The following CRTC1 variants were observed in gnomAD, a reference collection of about 807,000 sequenced individuals.
CRTC1 encodes the protein CREB regulated transcription coactivator 1.
In CRTC1, 18 loss-of-function variants were observed where a neutral mutation model predicts 66.1. The observed-to-expected ratio is 0.27, with a 90% CI of 0.19 to 0.40. CRTC1 has a LOEUF of 0.40. Ranked by LOEUF, CRTC1 falls within the 10% of genes least tolerant of loss-of-function variation. CRTC1 has a pLI of 1.00. For synonymous variants in CRTC1, 416 were observed against 398.8 expected, an observed-to-expected ratio of 1.04 and a Z score of -0.51; for missense variants, 669 against 887.9, an observed-to-expected ratio of 0.75 and a Z score of 3.13.
chr19:18,745,401 C>G (rs1311545851), intron 2 of CRTC1, among the ~76,000 whole-genome samples: 1 of 152,188 alleles, frequency 6.6e-6, no homozygotes, highest in Non-Finnish European at 1.5e-5. Context: ...GCAGGCCCCT[C>G]CAGGGATGAC....
rs781501165 is a variant in CRTC1, at chr19:18,765,495, G to A, written c.978G>A (p.Ser326=). The A allele has an allele frequency of 5.0e-6, 8 of 1,609,518 alleles. No homozygotes were observed. The highest frequency in any genetic ancestry group is 1.3e-5 in the African/African-American group (1 of 74,924). The change falls in exon 9 of 14, where the codon TCG becomes TCA. Residue 326 remains serine, a synonymous_variant. Transcript: ENST00000321949. ...LSTEARRQQA[S]PTLSPLSPIT... is the part of the protein sequence containing the mutation. Reference sequence around the variant, plus strand: ...CAGAGGCAAGGCGTCAGCAGGCATCGCCCACCCTGTCCCCGCTGTCACCCA... The same window carrying A: ...CAGAGGCAAGGCGTCAGCAGGCATCACCCACCCTGTCCCCGCTGTCACCCA...
rs149635797 is a variant in CRTC1 at position 18,750,198 on chromosome 19, G to A, written c.538+323G>A. Among the ~76,000 whole-genome samples the A allele has an allele frequency of 6.7e-4, 102 of 152,340 alleles. 1 individual carries two copies. The East Asian group carries it at 0.014, about 22-fold the overall frequency. ...TCAAATGTAGCGGCAGCAAGCCCAC[G>A]CAAAGGAGCATTTGTCAGCTCATGA... On this transcript the variant is annotated intron_variant, in intron 5 of 13. Coordinates refer to ENST00000321949, the MANE Select transcript of CRTC1 (RefSeq NM_015321.3).
chr19:18,737,066 G>A (rs1485583238), intron 1 of CRTC1, among the ~76,000 whole-genome samples: 1 of 152,154 alleles, frequency 6.6e-6, no homozygotes, highest in Admixed American at 6.5e-5. Context: ...CTACCTAGGG[G>A]CTCCTGCTCC....
Position 18,760,262 on chromosome 19 carries a change from A to G in CRTC1, c.886+34A>G, listed in dbSNP as rs1472505132. The G allele has an allele frequency of 4.0e-6, 6 of 1,512,226 alleles. No homozygotes were observed. Among genetic ancestry groups the G allele is most frequent in the South Asian group, 1.2e-5 (1 of 85,258 alleles). 93.7% of individuals were successfully genotyped at this position (1,512,226 alleles called of 1,614,324 possible). On this transcript the variant is annotated intron_variant, in intron 8 of 13. Transcript: ENST00000321949. The surrounding 1 kb of genome is among the most constrained non-coding windows in gnomAD (Gnocchi z 6.2). Reference sequence around the variant, plus strand: ...GGGACACTCCGCCCTCGGACAGAGCACTGGCTTGTGGAGACAACACGGGCA... The same window carrying G: ...GGGACACTCCGCCCTCGGACAGAGCGCTGGCTTGTGGAGACAACACGGGCA...
chr19:18,725,115 G>A (rs974961649), intron 1 of CRTC1, among the ~76,000 whole-genome samples: 10 of 152,106 alleles, frequency 6.6e-5, no homozygotes, highest in African/African-American at 2.4e-4. Flanking sequence ...ACCTTGGGGA[G>A]CTCAGTATCT....
intron 6 of CRTC1, among the ~76,000 whole-genome samples, chr19:18,757,367 A>G (rs538126522): frequency 2.0e-5 from 3 of 152,178 alleles, no homozygotes; most frequent in African/African-American, 7.2e-5. Flanking sequence ...AGGGGAGGAA[A>G]CATTGGTCCT....
At chr19:18,743,854 A>C (rs1412940657) in intron 2 of CRTC1, among the ~76,000 whole-genome samples, 7 of 152,168 alleles carry the variant, frequency 4.6e-5, no homozygotes, top group Non-Finnish European at 1.5e-5. Flanking sequence ...GTTCTTTGTC[A>C]CAGCCCTTCC....
At chr19:18,749,651 A>G (rs2054319714) in intron 4 of CRTC1, 130 bp from the exon 5 acceptor site, 2 of 718,132 alleles carry the variant, frequency 2.8e-6, no homozygotes, top group Admixed American at 4.1e-5. Context: ...AGCTTTGCTC[A>G]GGTGCAGCAG....
At chr19:18,721,374 C>T (rs930126485) in intron 1 of CRTC1, among the ~76,000 whole-genome samples, 4 of 150,898 alleles carry the variant, frequency 2.7e-5, no homozygotes, top group Non-Finnish European at 4.4e-5. Flanking sequence ...TTTGTATTTT[C>T]GGTAGAGACG....
intron 1 of CRTC1, among the ~76,000 whole-genome samples, chr19:18,717,592 G>A (rs1341033657): frequency 1.3e-5 from 2 of 152,148 alleles, no homozygotes; most frequent in Non-Finnish European, 2.9e-5. Context: ...ACACAGATGC[G>A]TGCAGCCACC....
intron 9 of CRTC1, among the ~76,000 whole-genome samples, chr19:18,765,910 A>G (rs1347089389): frequency 6.6e-6 from 1 of 152,076 alleles, no homozygotes; most frequent in Non-Finnish European, 1.5e-5. Context: ...GCAGTGAGCC[A>G]TGATCACACC....
chr19:18,707,553 A>C (rs916785549), intron 1 of CRTC1, among the ~76,000 whole-genome samples: 1 of 151,916 alleles, frequency 6.6e-6, no homozygotes, highest in East Asian at 1.9e-4. Flanking sequence ...CAATTTTGTT[A>C]TTTTTCAAGA....
At chr19:18,713,476 G>A (rs1406696208) in intron 1 of CRTC1, among the ~76,000 whole-genome samples, 1 of 147,820 alleles carries the variant, frequency 6.8e-6, no homozygotes, top group Non-Finnish European at 1.5e-5. Flanking sequence ...CTGTCTTCCC[G>A]GAGTAGACCA....
At chr19:18,718,929 A>G (rs2145617290) in intron 1 of CRTC1, among the ~76,000 whole-genome samples, 1 of 152,330 alleles carries the variant, frequency 6.6e-6, no homozygotes, top group East Asian at 1.9e-4. Flanking sequence ...AAACGGGAGC[A>G]TAACACGATT....
intron 1 of CRTC1, among the ~76,000 whole-genome samples, chr19:18,704,567 C>T (rs766747492): frequency 6.6e-6 from 1 of 152,044 alleles, no homozygotes; most frequent in East Asian, 1.9e-4. Context: ...CAAAAATTAG[C>T]TGGGTGTGGT....
chr19:18,706,660 G>A (rs2053273641), intron 1 of CRTC1, among the ~76,000 whole-genome samples: 7 of 152,078 alleles, frequency 4.6e-5, no homozygotes, highest in Admixed American at 3.9e-4. Flanking sequence ...TTGAGATTCT[G>A]TATGGATTTT....
At chr19:18,693,074 CAA>C (rs71168762) in intron 1 of CRTC1, among the ~76,000 whole-genome samples, 6 of 69,338 alleles carry the variant, frequency 8.7e-5, no homozygotes, top group African/African-American at 1.2e-4. Context: ...GACTCCGTCT[CAA>C]AAAAAAAAAA....
At chr19:18,690,371 C>G (rs1013538520) in intron 1 of CRTC1, among the ~76,000 whole-genome samples, 3 of 152,170 alleles carry the variant, frequency 2.0e-5, no homozygotes, top group Admixed American at 2.0e-4. Flanking sequence ...GGCTTTGGCG[C>G]TATTTGTTTC....
rs539698906 is a variant in CRTC1, at chr19:18,774,466, C to T, written c.1426-434C>T. On this transcript the variant is annotated intron_variant, in intron 11 of 13. Transcript: ENST00000321949. ...TCCTGTCCATGTACGTGGCCTGCGTCGTGTCCTTTGTCTCCTGTCAGGAGT... is the reference window on the plus strand; with the variant it reads ...TCCTGTCCATGTACGTGGCCTGCGTTGTGTCCTTTGTCTCCTGTCAGGAGT... 2.6e-5 allele frequency among the ~76,000 whole-genome samples: 4 copies of T among 152,366 alleles called. 1 individual carries two copies. In the South Asian group the frequency reaches 8.3e-4, roughly 32 times the overall value.
Sources: gnomAD v4.1 joint callset for allele counts (sites outside exome capture counted in the v4.1 genomes callset) on GRCh38, gnomAD v4.1.1 for gene constraint, Gnocchi (gnomAD v3.1) non-coding constraint, MANE v1.5 for transcripts, NCBI Gene and HGNC (gene_info 2026-07-23, HGNC 2026-07-21) for gene names.